The following GRIK1 variants were observed in gnomAD, a reference collection of about 807,000 sequenced individuals.
GRIK1 encodes glutamate ionotropic receptor kainate type subunit 1.
Under a neutral mutation model 105.7 loss-of-function variants are expected in GRIK1, and 69 were observed. The ratio of observed to expected loss-of-function variants is 0.65; its 90% CI spans 0.54 to 0.80. The LOEUF (loss-of-function observed/expected upper bound fraction) is 0.80, where lower values mean the gene tolerates loss of function less well. GRIK1 is among the 30% of genes least tolerant of loss of function. GRIK1 has a pLI of 0.00. For synonymous variants in GRIK1, 438 were observed against 431.3 expected (o/e 1.02, Z -0.19); for missense variants, 1,109 against 1,167.3 (o/e 0.95, Z 0.73).
At chr21:29,875,532 C>T (rs1018983236) in intron 1 of GRIK1, among the ~76,000 whole-genome samples, 1 of 152,134 alleles carries the variant, frequency 6.6e-6, no homozygotes, top group Non-Finnish European at 1.5e-5. Context: ...TGATTTACGC[C>T]TGGTATCCTT....
intron 16 of GRIK1, among the ~76,000 whole-genome samples, chr21:29,543,485 G>A (rs2146095325): frequency 6.6e-6 from 1 of 152,252 alleles, no homozygotes; most frequent in South Asian, 2.1e-4. Context: ...TACTACCCTT[G>A]TGGGAAGTTT....
At chr21:29,931,426 C>A (rs2300333) in intron 1 of GRIK1, among the ~76,000 whole-genome samples, 11 of 151,884 alleles carry the variant, frequency 7.2e-5, no homozygotes, top group African/African-American at 2.7e-4. Flanking sequence ...GGAGGAAGAC[C>A]AGATAGGTAA....
intron 1 of GRIK1, among the ~76,000 whole-genome samples, chr21:29,724,435 C>T (rs544928235): frequency 2.0e-5 from 3 of 152,322 alleles, no homozygotes; most frequent in East Asian, 3.9e-4. Context: ...TCCTCACTCT[C>T]ATCTTCATTA....
intron 1 of GRIK1, chr21:29,758,753 T>A (rs1601618645): frequency 6.6e-6 from 1 of 152,606 alleles, no homozygotes; most frequent in East Asian, 1.9e-4. Context: ...GAAAGGATAA[T>A]CTCAAAGCCT....
At chr21:29,751,831 T>C (rs1408943558) in intron 1 of GRIK1, among the ~76,000 whole-genome samples, 1 of 152,212 alleles carries the variant, frequency 6.6e-6, no homozygotes, top group African/African-American at 2.4e-5. Context: ...ATTATGATTG[T>C]TCCCATTATT....
chr21:29,924,821 T>A (rs2071306107), intron 1 of GRIK1, among the ~76,000 whole-genome samples: 1 of 152,214 alleles, frequency 6.6e-6, no homozygotes, highest in African/African-American at 2.4e-5. Context: ...CTTAATTTCA[T>A]AGAAGGACCT....
At chr21:29,553,496 AC>A in intron 16 of GRIK1, 1 of 1,487,110 alleles carries the variant, frequency 6.7e-7, no homozygotes, top group Non-Finnish European at 8.9e-7. Flanking sequence ...AATATCAACA[AC>A]ACCAATTAGC....
In GRIK1 at chr21:29,648,494, T is replaced by C. The variant is rs1305034451; in HGVS notation, c.954+2624A>G. Among the ~76,000 whole-genome samples, 5 of 152,256 alleles carry C rather than the reference T, an allele frequency of 3.3e-5. No homozygotes were observed. In the East Asian group the frequency reaches 9.6e-4, roughly 29 times the overall value. ...TTTCATTTAACATCTTCAGTTTTAG[T>C]AGAAGCTTAATTCTTATTTATTTAG... On this transcript the variant is annotated intron_variant, in intron 6 of 17. Coordinates refer to ENST00000327783, the MANE Select transcript of GRIK1 (RefSeq NM_001330994.2).
At chr21:29,938,052 C>T (rs2071834242) in intron 1 of GRIK1, among the ~76,000 whole-genome samples, 1 of 152,220 alleles carries the variant, frequency 6.6e-6, no homozygotes, top group Non-Finnish European at 1.5e-5. Context: ...CAAAGTAGCA[C>T]ATTTCTATTT....
intron 3 of GRIK1, 28 bp downstream of exon 3, chr21:29,689,700 C>T (rs368235399): frequency 3.2e-5 from 51 of 1,606,020 alleles, no homozygotes; most frequent in South Asian, 4.4e-5. Flanking sequence ...CAGACATGGT[C>T]GGGTGAGGTC....
chr21:29,621,639 G>T (rs1454870905), intron 7 of GRIK1, among the ~76,000 whole-genome samples: 3 of 152,176 alleles, frequency 2.0e-5, no homozygotes, highest in African/African-American at 7.2e-5. Flanking sequence ...ATGTCCAGGG[G>T]AGATACTCTC....
intron 1 of GRIK1, among the ~76,000 whole-genome samples, chr21:29,787,157 G>A (rs1290504580): frequency 2.6e-5 from 4 of 152,352 alleles, no homozygotes; most frequent in South Asian, 2.1e-4. Context: ...CTGTTCAAAT[G>A]AATCCTGCCA....
At chr21:29,924,412 A>G (rs1354288313) in intron 1 of GRIK1, among the ~76,000 whole-genome samples, 1 of 152,034 alleles carries the variant, frequency 6.6e-6, no homozygotes. Flanking sequence ...ACAGATATAT[A>G]TGCAGTTATG....
chr21:29,711,136 G>A (rs2064039153), intron 1 of GRIK1, among the ~76,000 whole-genome samples: 1 of 151,740 alleles, frequency 6.6e-6, no homozygotes, highest in Non-Finnish European at 1.5e-5. Flanking sequence ...TAAAACATGA[G>A]GTAGAACATC....
intron 7 of GRIK1, among the ~76,000 whole-genome samples, chr21:29,641,396 T>A (rs1318375276): frequency 1.3e-5 from 2 of 152,084 alleles, no homozygotes; most frequent in Non-Finnish European, 2.9e-5. Context: ...CATGTAGACA[T>A]GCCTTTCACT....
intron 1 of GRIK1, among the ~76,000 whole-genome samples, chr21:29,870,380 A>G (rs1413017893): frequency 2.6e-5 from 4 of 152,006 alleles, no homozygotes; most frequent in Non-Finnish European, 4.4e-5. Flanking sequence ...GCCAGTTTAT[A>G]TTGCCTTTAT....
At chr21:29,640,158 AC>A (rs2062482207) in intron 7 of GRIK1, among the ~76,000 whole-genome samples, 1 of 112,216 alleles carries the variant, frequency 8.9e-6, no homozygotes. Context: ...AGTGAGAATA[AC>A]TTAAAAAAAA....
intron 4 of GRIK1, among the ~76,000 whole-genome samples, chr21:29,659,539 A>G (rs1301100384): frequency 1.3e-5 from 2 of 152,204 alleles, no homozygotes; most frequent in Non-Finnish European, 2.9e-5. Flanking sequence ...TACCTATTGT[A>G]AATGCTTTCT....
intron 1 of GRIK1, among the ~76,000 whole-genome samples, chr21:29,729,765 C>T (rs191923059): frequency 1.2e-4 from 19 of 152,172 alleles, no homozygotes; most frequent in African/African-American, 4.3e-4. Context: ...AAGATAGTTT[C>T]TGGAGATGTT....
Sources: allele counts gnomAD v4.1 joint callset (sites outside exome capture counted in the v4.1 genomes callset), GRCh38; gene constraint gnomAD v4.1.1; transcripts MANE v1.5; gene names NCBI Gene and HGNC (gene_info 2026-07-23, HGNC 2026-07-21).